Variants in TACC1 observed in about 807,000 individuals in gnomAD.
TACC1 encodes transforming acidic coiled-coil-containing protein 1.
In TACC1, 48 loss-of-function variants were observed where a neutral mutation model predicts 84.4. That is an observed-to-expected ratio of 0.57 (90% CI 0.45 to 0.72). The LOEUF (loss-of-function observed/expected upper bound fraction) is 0.72, where lower values mean the gene tolerates loss of function less well. TACC1 is among the 30% of genes least tolerant of loss of function. The pLI is 0.00. For synonymous variants in TACC1, 372 were observed against 376.3 expected (o/e 0.99, Z 0.13); for missense variants, 920 against 973.0 (o/e 0.95, Z 0.72).
chr8:38,796,935 G>C (rs1354683447), intron 2 of TACC1, among the ~76,000 whole-genome samples: 1 of 152,224 alleles, frequency 6.6e-6, no homozygotes, highest in Non-Finnish European at 1.5e-5. Context: ...TTGGGAGCTG[G>C]GTGGTGTGGC....
chr8:38,812,946 A>G (rs1399872647), intron 2 of TACC1, among the ~76,000 whole-genome samples: 1 of 152,208 alleles, frequency 6.6e-6, no homozygotes, highest in East Asian at 1.9e-4. Context: ...TGTGAGTGAA[A>G]TGGAGGGGTG....
Position 38,850,987 on chromosome 8 carries a change from TC to T in TACC1, c.*2970del, listed in dbSNP as rs145326698. 2 of 152,476 alleles carry T rather than the reference TC, an allele frequency of 1.3e-5. No homozygotes were observed. Among genetic ancestry groups the T allele is most frequent in the Non-Finnish European group, 2.9e-5 (2 of 68,044 alleles). 9.4% of individuals were successfully genotyped at this position (152,476 alleles called of 1,614,324 possible). ...TGCAACGTGAGGCCAACTGAACAAT[TC>T]CCCCCGTGGCTGCCCAGATAGTCAC... On this transcript the variant is annotated 3_prime_UTR_variant, in exon 13 of 13. Coordinates refer to ENST00000317827, the MANE Select transcript of TACC1 (RefSeq NM_006283.3).
At chr8:38,765,121 T>C (rs1587412562) in intron 3 of TACC1, among the ~76,000 whole-genome samples, 2 of 151,924 alleles carry the variant, frequency 1.3e-5, no homozygotes, top group African/African-American at 4.8e-5. Flanking sequence ...TTCCGTATCA[T>C]AACCTCTCTT....
chr8:38,825,165 C>T, intron 3 of TACC1, 143 bp from the exon 4 acceptor site: 2 of 821,230 alleles, frequency 2.4e-6, no homozygotes, highest in Admixed American at 4.0e-5. Flanking sequence ...GTGTCCCTGC[C>T]TCTCTCCTGC....
chr8:38,750,835 C>T lies in TACC1; in HGVS notation c.26+5342C>T, dbSNP rs117574722. 4.1e-3 allele frequency among the ~76,000 whole-genome samples: 626 copies of T among 152,180 alleles called. 2 individuals are homozygous for T. The highest frequency in any genetic ancestry group is 6.5e-3 in the Non-Finnish European group (442 of 67,998). On this transcript the variant is annotated intron_variant, in intron 3 of 14. Transcript: ENST00000518415. ...TACCGTGTTCATGGATTCAAAGTCT[C>T]AATATTGTTAAGCTGGCAATCCTTT... is the stretch of plus-strand genomic sequence containing the variant.
At chr8:38,769,946 GGT>G (rs778067061) in intron 3 of TACC1, among the ~76,000 whole-genome samples, 4 of 150,314 alleles carry the variant, frequency 2.7e-5, no homozygotes, top group Admixed American at 6.6e-5. Context: ...CTGTGTGTAT[GGT>G]GTGTGTGTGT....
chr8:38,752,047 C>T (rs552146460), intron 3 of TACC1, among the ~76,000 whole-genome samples: 77 of 152,156 alleles, frequency 5.1e-4, no homozygotes, highest in Non-Finnish European at 8.4e-4. Flanking sequence ...AGTGCCCATC[C>T]CTCTGCAGAG....
intron 1 of TACC1, among the ~76,000 whole-genome samples, chr8:38,732,155 AG>A (rs1563736203): frequency 2.9e-5 from 4 of 137,026 alleles, no homozygotes; most frequent in Non-Finnish European, 4.6e-5. Context: ...AAAGAAAAGA[AG>A]AAAGGAAGGA....
intron 9 of TACC1, 146 bp downstream of exon 9, chr8:38,840,413 C>T (rs534205619): frequency 1.2e-5 from 8 of 656,812 alleles, no homozygotes; most frequent in African/African-American, 1.1e-4. Flanking sequence ...GTTCAAGGTG[C>T]CCACAGATGA....
chr8:38,769,492 G>A (rs978442552), intron 3 of TACC1, among the ~76,000 whole-genome samples: 3 of 138,110 alleles, frequency 2.2e-5, no homozygotes, highest in Admixed American at 1.4e-4. Context: ...TATGGGTGAG[G>A]GTATGTGGTG....
chr8:38,742,490 A>T lies in TACC1; in HGVS notation c.-574+39A>T, dbSNP rs1003454876. 1.3e-5 allele frequency: 19 copies of T among 1,447,372 alleles called. No homozygotes were observed. In the South Asian group the frequency reaches 1.8e-4, roughly 14 times the overall value. The allele number at this position is 1,447,372 out of a possible 1,614,324, so 89.7% of individuals were successfully genotyped here. On this transcript the variant is annotated intron_variant, in intron 2 of 14. Transcript: ENST00000518415. ...TTGACATTGAATATACCTGGGATGG[A>T]TTTTAAAGTAAAAATTTTTATTTCC...
rs535918097 is a variant in TACC1, at chr8:38,758,499, T to A, written c.26+13006T>A. Reference sequence around the variant, plus strand: ...TCGTAGACCAGCTTGACCAACATGGTGAAACCCCGTCTCTACTAAAAATAC... The same window carrying A: ...TCGTAGACCAGCTTGACCAACATGGAGAAACCCCGTCTCTACTAAAAATAC... On this transcript the variant is annotated intron_variant, in intron 3 of 14. Coordinates refer to the TACC1 transcript ENST00000518415. 9.6e-4 allele frequency among the ~76,000 whole-genome samples: 146 copies of A among 151,936 alleles called. 3 individuals are homozygous for A. Among genetic ancestry groups the A allele is most frequent in the African/African-American group, 3.4e-3 (141 of 41,436 alleles).
At chr8:38,795,987 G>C (rs1381532193) in intron 2 of TACC1, among the ~76,000 whole-genome samples, 2 of 152,158 alleles carry the variant, frequency 1.3e-5, no homozygotes, top group Non-Finnish European at 2.9e-5. Flanking sequence ...AGCCAGTCGA[G>C]GACCCTCTTT....
At chr8:38,838,178 T>G (rs1400545595) in intron 7 of TACC1, among the ~76,000 whole-genome samples, 1 of 152,232 alleles carries the variant, frequency 6.6e-6, no homozygotes, top group African/African-American at 2.4e-5. Flanking sequence ...GGCCTGGCCC[T>G]GCAGAGCTGA....
intron 1 of TACC1, among the ~76,000 whole-genome samples, chr8:38,740,977 A>G (rs1806951839): frequency 6.6e-6 from 1 of 152,164 alleles, no homozygotes; most frequent in African/African-American, 2.4e-5. Flanking sequence ...AGTATCCTAA[A>G]GTCACTATAT....
At position 38,773,464 on chromosome 8, in the gene TACC1, A is replaced by G. The variant is rs533224342; in HGVS notation, c.27-15240A>G. Among the ~76,000 whole-genome samples the G allele has an allele frequency of 5.0e-4, 75 of 149,176 alleles. 1 individual carries two copies. The South Asian group carries it at 0.015, about 30-fold the overall frequency. ...TAAATACTAATATAATATAAACATTAATATTTACACTGGTAAATATTAATA... is the reference window on the plus strand; with the variant it reads ...TAAATACTAATATAATATAAACATTGATATTTACACTGGTAAATATTAATA... On this transcript the variant is annotated intron_variant, in intron 3 of 14. Coordinates refer to the TACC1 transcript ENST00000518415.
At chr8:38,812,238 C>G (rs1050932415) in intron 2 of TACC1, among the ~76,000 whole-genome samples, 3 of 152,100 alleles carry the variant, frequency 2.0e-5, no homozygotes, top group African/African-American at 7.2e-5. Context: ...TGCTTTGCCC[C>G]TTGCCTTGTG....
intron 2 of TACC1, among the ~76,000 whole-genome samples, chr8:38,796,652 T>C (rs904717249): frequency 6.6e-6 from 1 of 152,194 alleles, no homozygotes; most frequent in Non-Finnish European, 1.5e-5. Context: ...ACATTTTGCT[T>C]CCTCAATGCC....
chr8:38,844,069 AT>A (rs1831765028), intron 11 of TACC1, among the ~76,000 whole-genome samples: 1 of 152,224 alleles, frequency 6.6e-6, no homozygotes. Flanking sequence ...AACTGTGCCA[AT>A]AGGTCAACGT....
Sources: gnomAD v4.1 joint callset for allele counts (sites outside exome capture counted in the v4.1 genomes callset) on GRCh38, gnomAD v4.1.1 for gene constraint, MANE v1.5 for transcripts, NCBI Gene and HGNC (gene_info 2026-07-23, HGNC 2026-07-21) for gene names.